Variants in LRRC4C observed in about 807,000 individuals in gnomAD.
LRRC4C encodes the protein leucine-rich repeat-containing protein 4C.
A neutral mutation model predicts 33.6 loss-of-function variants in LRRC4C; 5 were observed. The ratio of observed to expected loss-of-function variants is 0.15; its 90% CI spans 0.08 to 0.31. LRRC4C has a LOEUF of 0.31. Ranked by LOEUF, LRRC4C falls within the 10% of genes least tolerant of loss-of-function variation. The pLI is 1.00. For missense variants in LRRC4C, 560 were observed against 796.7 expected (o/e 0.70, Z 3.58); for synonymous variants, 329 against 302.0 (o/e 1.09, Z -0.93).
intron 3 of LRRC4C, among the ~76,000 whole-genome samples, chr11:40,628,033 C>T (rs1302649463): frequency 1.3e-5 from 2 of 152,130 alleles, no homozygotes; most frequent in Non-Finnish European, 2.9e-5. Flanking sequence ...CATAATGTCA[C>T]TTGAAAGGAT....
chr11:40,833,985 A>G (rs1952540486), intron 2 of LRRC4C, among the ~76,000 whole-genome samples: 1 of 152,126 alleles, frequency 6.6e-6, no homozygotes, highest in Non-Finnish European at 1.5e-5. Flanking sequence ...TCTACCCTGT[A>G]CTTCTTTATA....
chr11:40,874,413 T>A (rs1954788231), intron 2 of LRRC4C, among the ~76,000 whole-genome samples: 1 of 152,154 alleles, frequency 6.6e-6, no homozygotes, highest in South Asian at 2.1e-4. Context: ...GAATCAGCCC[T>A]CTTGAGCTGC....
intron 4 of LRRC4C, among the ~76,000 whole-genome samples, chr11:40,297,209 CA>C (rs1944556687): frequency 6.6e-6 from 1 of 152,126 alleles, no homozygotes; most frequent in African/African-American, 2.4e-5. Context: ...AAGCTGTAGG[CA>C]ACTCTATTGA....
In LRRC4C at chr11:41,414,109, T is replaced by C. The variant is rs545302316; in HGVS notation, c.-496+45322A>G. 1.6e-4 allele frequency among the ~76,000 whole-genome samples: 24 copies of C among 152,302 alleles called. No homozygotes were observed. In the East Asian group the frequency reaches 4.4e-3, roughly 28 times the overall value. ...TCTCACCTGTAAAAGCAGCCTGAGG[T>C]TGTTGTGAAAACGGAAAGGATGGTA... On this transcript the variant is annotated intron_variant, in intron 1 of 6. Transcript: ENST00000528697.
chr11:41,114,875 T>C (rs942115581), intron 1 of LRRC4C, among the ~76,000 whole-genome samples: 1 of 151,992 alleles, frequency 6.6e-6, no homozygotes, highest in African/African-American at 2.4e-5. Context: ...GCTTAGTAAA[T>C]AAGTTTTTCA....
chr11:40,322,434 T>A (rs1434233118), intron 3 of LRRC4C, among the ~76,000 whole-genome samples: 1 of 151,966 alleles, frequency 6.6e-6, no homozygotes, highest in Non-Finnish European at 1.5e-5. Context: ...TTAGTAGAGA[T>A]GGGGTGTTGC....
chr11:41,297,824 G>A (rs964879253), intron 1 of LRRC4C, among the ~76,000 whole-genome samples: 1 of 152,152 alleles, frequency 6.6e-6, no homozygotes, highest in African/African-American at 2.4e-5. Context: ...AGATCAGGAA[G>A]CATATTTATC....
intron 1 of LRRC4C, among the ~76,000 whole-genome samples, chr11:41,300,454 A>T (rs1185759776): frequency 1.3e-5 from 2 of 152,150 alleles, no homozygotes; most frequent in Non-Finnish European, 1.5e-5. Flanking sequence ...TTCCTCTCAG[A>T]AGGAAGAAAT....
chr11:41,422,724 T>C (rs948823970), intron 1 of LRRC4C, among the ~76,000 whole-genome samples: 6 of 152,090 alleles, frequency 3.9e-5, no homozygotes, highest in African/African-American at 1.4e-4. Flanking sequence ...ACAACTCATG[T>C]AAAAAGAATT....
intron 2 of LRRC4C, among the ~76,000 whole-genome samples, chr11:40,771,899 G>A (rs140506973): frequency 2.5e-3 from 387 of 152,152 alleles, no homozygotes; most frequent in Non-Finnish European, 4.4e-3. Flanking sequence ...TCTGTCTTCT[G>A]AGCCCTCTAA....
intron 1 of LRRC4C, among the ~76,000 whole-genome samples, chr11:41,075,240 A>G (rs1007902526): frequency 1.3e-5 from 2 of 151,920 alleles, no homozygotes; most frequent in Non-Finnish European, 2.9e-5. Flanking sequence ...AATCAATACC[A>G]GCAGTGAAAG....
chr11:41,322,633 C>T (rs191533843), intron 1 of LRRC4C, among the ~76,000 whole-genome samples: 11 of 152,226 alleles, frequency 7.2e-5, no homozygotes, highest in South Asian at 4.1e-4. Flanking sequence ...AAAAAACATA[C>T]GGGTGTCTAT....
chr11:40,906,766 T>A (rs1026936447), intron 2 of LRRC4C, among the ~76,000 whole-genome samples: 3 of 152,110 alleles, frequency 2.0e-5, no homozygotes, highest in African/African-American at 7.2e-5. Flanking sequence ...TGTATTCTGT[T>A]TAATTTCTAT....
At chr11:40,807,017 T>C (rs1951283263) in intron 2 of LRRC4C, among the ~76,000 whole-genome samples, 1 of 152,192 alleles carries the variant, frequency 6.6e-6, no homozygotes, top group Admixed American at 6.5e-5. Context: ...TACATTTATA[T>C]TATATTTTTA....
intron 1 of LRRC4C, among the ~76,000 whole-genome samples, chr11:41,390,577 T>C (rs1295769553): frequency 6.6e-6 from 1 of 151,936 alleles, no homozygotes; most frequent in Admixed American, 6.6e-5. Context: ...TTACCTAGAA[T>C]ACATTTTTCC....
intron 2 of LRRC4C, among the ~76,000 whole-genome samples, chr11:40,823,215 T>A (rs2135482941): frequency 6.6e-6 from 1 of 151,866 alleles, no homozygotes; most frequent in East Asian, 1.9e-4. Flanking sequence ...AGCATTAAAA[T>A]TATTTAAAAT....
chr11:40,463,840 G>A (rs1308725998), intron 3 of LRRC4C, among the ~76,000 whole-genome samples: 1 of 152,006 alleles, frequency 6.6e-6, no homozygotes, highest in Non-Finnish European at 1.5e-5. Flanking sequence ...TTACTTGGCT[G>A]TATAATCCAT....
chr11:40,551,163 T>C lies in LRRC4C; in HGVS notation c.-270+96979A>G, dbSNP rs916096209. Among the ~76,000 whole-genome samples, 5 of 152,112 alleles carry C rather than the reference T, an allele frequency of 3.3e-5. No homozygotes were observed. The South Asian group carries it at 8.3e-4, about 25-fold the overall frequency. ...CATATTAAAATCCAAATGTGTTATCTGATTTTAGAACTTGCATTACAAGAG... is the reference window on the plus strand; with the variant it reads ...CATATTAAAATCCAAATGTGTTATCCGATTTTAGAACTTGCATTACAAGAG... On this transcript the variant is annotated intron_variant, in intron 3 of 6. Coordinates refer to ENST00000528697, the MANE Select transcript of LRRC4C (RefSeq NM_001258419.2).
At chr11:40,627,129 G>A (rs1375839337) in intron 3 of LRRC4C, among the ~76,000 whole-genome samples, 1 of 141,844 alleles carries the variant, frequency 7.1e-6, no homozygotes, top group African/African-American at 2.7e-5. Context: ...GGATGGGTCT[G>A]CAAATTGATA....
Sources: gnomAD v4.1 joint callset for allele counts (sites outside exome capture counted in the v4.1 genomes callset) on GRCh38, gnomAD v4.1.1 for gene constraint, MANE v1.5 for transcripts, NCBI Gene and HGNC (gene_info 2026-07-23, HGNC 2026-07-21) for gene names.